The following CDH12 variants were observed in gnomAD, a reference collection of about 807,000 sequenced individuals.
CDH12 encodes cadherin-12.
CDH12 carries 41 observed loss-of-function variants against 74.1 expected under a neutral mutation model. The ratio of observed to expected loss-of-function variants is 0.55; its 90% confidence interval spans 0.43 to 0.72. CDH12 has a LOEUF of 0.72. CDH12 is among the 30% of genes least tolerant of loss of function. The pLI is 0.00. For synonymous variants in CDH12, 399 were observed against 355.0 expected, an observed-to-expected ratio of 1.12 and a Z score of -1.39; for missense variants, 945 against 977.2, an observed-to-expected ratio of 0.97 and a Z score of 0.44.
At chr5:22,575,132 C>T (rs1013928291) in intron 1 of CDH12, among the ~76,000 whole-genome samples, 1 of 152,144 alleles carries the variant, frequency 6.6e-6, no homozygotes, top group South Asian at 2.1e-4. Flanking sequence ...CAACGTTTTA[C>T]ATGAATGCAA....
chr5:21,999,013 C>G (rs1006854260), intron 5 of CDH12, among the ~76,000 whole-genome samples: 15 of 152,188 alleles, frequency 9.9e-5, no homozygotes, highest in African/African-American at 3.6e-4. Flanking sequence ...GTCTCCGTTT[C>G]CATTCACAGT....
At chr5:22,492,825 C>G (rs1213712962) in intron 2 of CDH12, among the ~76,000 whole-genome samples, 1 of 152,104 alleles carries the variant, frequency 6.6e-6, no homozygotes, top group Non-Finnish European at 1.5e-5. Flanking sequence ...CCCTTGCTCT[C>G]CTGAGGTCAC....
intron 1 of CDH12, among the ~76,000 whole-genome samples, chr5:22,845,016 C>T (rs1033029280): frequency 1.3e-5 from 2 of 151,982 alleles, no homozygotes; most frequent in African/African-American, 4.8e-5. Context: ...GCCTTCTTCC[C>T]CCTTTTCAGT....
chr5:21,906,466 A>G (rs1753646015), intron 6 of CDH12, among the ~76,000 whole-genome samples: 1 of 152,188 alleles, frequency 6.6e-6, no homozygotes, highest in Admixed American at 6.5e-5. Flanking sequence ...CTCTTGCCAC[A>G]TTACTCTTAA....
At chr5:22,708,036 G>A (rs1467865878) in intron 1 of CDH12, among the ~76,000 whole-genome samples, 2 of 152,102 alleles carry the variant, frequency 1.3e-5, no homozygotes, top group Non-Finnish European at 2.9e-5. Context: ...AAAATATATT[G>A]AGGTGGCAGT....
chr5:22,759,054 A>G (rs146022279), intron 1 of CDH12, among the ~76,000 whole-genome samples: 3 of 152,288 alleles, frequency 2.0e-5, no homozygotes, highest in African/African-American at 4.8e-5. Context: ...CTAAGATACC[A>G]TATGAAAGGT....
At chr5:22,077,047 A>AGTGTGTGTGTGTGT (rs5866546) in intron 5 of CDH12, among the ~76,000 whole-genome samples, 1 of 149,050 alleles carries the variant, frequency 6.7e-6, no homozygotes, top group Non-Finnish European at 1.5e-5. Flanking sequence ...GCTTAATGGC[A>AGTGTGTGTGTGTGT]GTGTGTGTGT....
chr5:22,165,010 C>A (rs988117104), intron 4 of CDH12, among the ~76,000 whole-genome samples: 5 of 146,768 alleles, frequency 3.4e-5, no homozygotes, highest in African/African-American at 1.3e-4. Context: ...GGAATTAATT[C>A]ATCATTTCAT....
chr5:21,852,764 C>A (rs1750541003), intron 7 of CDH12, among the ~76,000 whole-genome samples: 1 of 151,350 alleles, frequency 6.6e-6, no homozygotes. Context: ...CTTCACCAAT[C>A]TCTATACACC....
chr5:22,787,441 A>G (rs1459899973), intron 1 of CDH12, among the ~76,000 whole-genome samples: 1 of 152,184 alleles, frequency 6.6e-6, no homozygotes, highest in Admixed American at 6.5e-5. Context: ...AAAAGCACAC[A>G]GAATCTTTCC....
intron 5 of CDH12, among the ~76,000 whole-genome samples, chr5:22,066,452 T>C (rs1050854662): frequency 8.5e-5 from 13 of 152,254 alleles, no homozygotes; most frequent in African/African-American, 2.9e-4. Flanking sequence ...GAGACCCAAA[T>C]TGTCACTGGG....
intron 1 of CDH12, among the ~76,000 whole-genome samples, chr5:22,760,225 T>G (rs563850578): frequency 6.6e-6 from 1 of 152,180 alleles, no homozygotes; most frequent in South Asian, 2.1e-4. Flanking sequence ...AAGCATTAGG[T>G]CTATATAAAA....
intron 4 of CDH12, among the ~76,000 whole-genome samples, chr5:22,182,234 G>A (rs62349136): frequency 0.34 from 51,742 of 151,628 alleles, 10,509 homozygotes; most frequent in Admixed American, 0.47. Flanking sequence ...TGTTTCCCTT[G>A]TTTAGATTCC....
intron 6 of CDH12, among the ~76,000 whole-genome samples, chr5:21,880,668 T>A (rs1242279141): frequency 7.3e-6 from 1 of 137,426 alleles, no homozygotes; most frequent in Non-Finnish European, 1.6e-5. Context: ...TCTTTCTTTC[T>A]TTCTTTCTTT....
At chr5:21,865,058 T>C (rs1751255171) in intron 6 of CDH12, among the ~76,000 whole-genome samples, 1 of 152,030 alleles carries the variant, frequency 6.6e-6, no homozygotes, top group South Asian at 2.1e-4. Context: ...AAAAAGAGAG[T>C]GCTATTTCAT....
intron 2 of CDH12, among the ~76,000 whole-genome samples, chr5:22,430,379 C>G (rs1011128594): frequency 1.5e-4 from 22 of 150,960 alleles, no homozygotes; most frequent in African/African-American, 5.4e-4. Flanking sequence ...CTACATAGTA[C>G]CCATAAAACA....
chr5:21,878,839 AAG>A (rs1414015924), intron 6 of CDH12, among the ~76,000 whole-genome samples: 1 of 150,840 alleles, frequency 6.6e-6, no homozygotes, highest in Non-Finnish European at 1.5e-5. Flanking sequence ...AAAGAAAAGA[AAG>A]AGAGGGAGAG....
chr5:21,781,659 G>A (rs113256586), intron 11 of CDH12, among the ~76,000 whole-genome samples: 5,219 of 152,076 alleles, frequency 0.034, 103 homozygotes, highest in Middle Eastern at 0.058. Flanking sequence ...AGAAGGCGGA[G>A]GTTGCGGTGA....
At chr5:22,515,150 T>C (rs764985892) in intron 1 of CDH12, among the ~76,000 whole-genome samples, 2 of 152,146 alleles carry the variant, frequency 1.3e-5, no homozygotes, top group Admixed American at 1.3e-4. Flanking sequence ...TATAATACTT[T>C]TAGTGATGCA....
Sources: gnomAD v4.1 joint callset for allele counts (sites outside exome capture counted in the v4.1 genomes callset) on GRCh38, gnomAD v4.1.1 for gene constraint, MANE v1.5 for transcripts, NCBI Gene and HGNC (gene_info 2026-07-23, HGNC 2026-07-21) for gene names.